The following MYO1D variants were observed in gnomAD, a reference collection of about 807,000 sequenced individuals.
MYO1D encodes myosin ID.
A neutral mutation model predicts 122.0 loss-of-function variants in MYO1D; 83 were observed. The observed-to-expected ratio is 0.68, with a 90% CI of 0.57 to 0.82. The LOEUF is 0.82. Ranked by LOEUF, MYO1D falls within the 40% of genes least tolerant of loss-of-function variation. The pLI, the probability that MYO1D is intolerant of heterozygous loss-of-function variation, is 0.00. For synonymous variants in MYO1D, 464 were observed against 446.9 expected (o/e 1.04, Z -0.48); for missense variants, 1,157 against 1,269.5 (o/e 0.91, Z 1.35).
At chr17:32,687,209 T>TCAGTGGAGACAGGG (rs2089027400) in intron 16 of MYO1D, among the ~76,000 whole-genome samples, 1 of 146,562 alleles carries the variant, frequency 6.8e-6, no homozygotes, top group Non-Finnish European at 1.5e-5. Context: ...TTTTTTTTTT[T>TCAGTGGAGACAGGG]TTTCTGAGAC....
chr17:32,754,617 T>TA (rs34682691), intron 11 of MYO1D, among the ~76,000 whole-genome samples: 1 of 152,188 alleles, frequency 6.6e-6, no homozygotes, highest in African/African-American at 2.4e-5. Flanking sequence ...TTATTCACAC[T>TA]AAAAAATGGC....
chr17:32,815,500 T>C (rs2090606066), intron 1 of MYO1D, among the ~76,000 whole-genome samples: 1 of 152,200 alleles, frequency 6.6e-6, no homozygotes, highest in Non-Finnish European at 1.5e-5. Flanking sequence ...AATTTTCATG[T>C]TAGTTCTTAT....
At chr17:32,769,003 T>C (rs184243682) in intron 6 of MYO1D, among the ~76,000 whole-genome samples, 6 of 152,348 alleles carry the variant, frequency 3.9e-5, no homozygotes, top group Admixed American at 1.3e-4. Flanking sequence ...TAAGTGTGCA[T>C]GTCCTTTGTG....
intron 20 of MYO1D, among the ~76,000 whole-genome samples, chr17:32,636,826 G>A (rs182516610): frequency 2.2e-4 from 33 of 152,316 alleles, no homozygotes; most frequent in Middle Eastern, 3.4e-3. Context: ...GGGCAAAGCA[G>A]GTTTGGCAGC....
chr17:32,546,217 G>A (rs935457194), intron 21 of MYO1D, among the ~76,000 whole-genome samples: 2 of 152,134 alleles, frequency 1.3e-5, no homozygotes, highest in Non-Finnish European at 2.9e-5. Context: ...TAGCCACTTT[G>A]AGGGCTGAAC....
At chr17:32,663,852 TTC>T (rs1383019752) in intron 16 of MYO1D, among the ~76,000 whole-genome samples, 21 of 152,244 alleles carry the variant, frequency 1.4e-4, no homozygotes, top group Admixed American at 5.2e-4. Context: ...TGCTCCATTC[TTC>T]TCTTTGAAGA....
intron 21 of MYO1D, among the ~76,000 whole-genome samples, chr17:32,534,794 C>T (rs533790059): frequency 2.5e-4 from 38 of 151,962 alleles, no homozygotes; most frequent in Non-Finnish European, 5.1e-4. Context: ...CTTTACACCC[C>T]GTAGATGTGA....
intron 16 of MYO1D, among the ~76,000 whole-genome samples, chr17:32,666,190 C>A (rs1340560156): frequency 6.6e-6 from 1 of 152,130 alleles, no homozygotes; most frequent in East Asian, 1.9e-4. Context: ...TCAGGGCCAC[C>A]CCTCATCCCT....
intron 1 of MYO1D, among the ~76,000 whole-genome samples, chr17:32,841,794 G>C (rs1435455768): frequency 6.6e-6 from 1 of 152,104 alleles, no homozygotes; most frequent in Non-Finnish European, 1.5e-5. Flanking sequence ...AAGGAAGAAA[G>C]AATGGATAAA....
Position 32,828,957 on chromosome 17 carries a change from A to G in MYO1D, c.95+47821T>C, listed in dbSNP as rs570752535. On this transcript the variant is annotated intron_variant, in intron 1 of 21. Coordinates refer to ENST00000318217, the MANE Select transcript of MYO1D (RefSeq NM_015194.3). ...CACACTATTAGTAAGTGACAGTCAGAAGGCAGACCTTGGGTCTGACTCCAA... is the reference window on the plus strand; with the variant it reads ...CACACTATTAGTAAGTGACAGTCAGGAGGCAGACCTTGGGTCTGACTCCAA... Among the ~76,000 whole-genome samples, 10 of 152,332 alleles carry G rather than the reference A, an allele frequency of 6.6e-5. No individual in the cohort carries two copies. The South Asian group carries it at 2.1e-3, about 32-fold the overall frequency.
intron 20 of MYO1D, among the ~76,000 whole-genome samples, chr17:32,620,206 A>T (rs1597941155): frequency 6.6e-6 from 1 of 152,028 alleles, no homozygotes; most frequent in East Asian, 1.9e-4. Context: ...TGGGTACCTC[A>T]TTACCCCTAG....
rs577330305 is a variant in MYO1D at position 32,796,644 on chromosome 17, G to A, written c.96-15860C>T. Reference sequence around the variant, plus strand: ...GCCCAAGCTGTTCTCGAACTCCTAAGCTCAAGCAATCTGCTGGCCTCAGCC... The same window carrying A: ...GCCCAAGCTGTTCTCGAACTCCTAAACTCAAGCAATCTGCTGGCCTCAGCC... On this transcript the variant is annotated intron_variant, in intron 1 of 21. Coordinates refer to ENST00000318217, the MANE Select transcript of MYO1D (RefSeq NM_015194.3). 1.3e-4 allele frequency among the ~76,000 whole-genome samples: 20 copies of A among 152,292 alleles called. No homozygotes were observed. The South Asian group carries it at 3.9e-3, about 30-fold the overall frequency.
At chr17:32,720,306 T>G (rs1200168192) in intron 15 of MYO1D, among the ~76,000 whole-genome samples, 1 of 152,176 alleles carries the variant, frequency 6.6e-6, no homozygotes, top group Non-Finnish European at 1.5e-5. Flanking sequence ...ATTGAGTGAT[T>G]ACTTTACGGA....
intron 21 of MYO1D, among the ~76,000 whole-genome samples, chr17:32,502,457 T>C (rs1166548763): frequency 6.6e-6 from 1 of 152,046 alleles, no homozygotes; most frequent in East Asian, 1.9e-4. Context: ...CCTTTTGGGG[T>C]GATGAAAATA....
intron 16 of MYO1D, among the ~76,000 whole-genome samples, chr17:32,664,534 A>G (rs1249203220): frequency 6.6e-6 from 1 of 152,242 alleles, no homozygotes. Flanking sequence ...CAATATTAAC[A>G]CAAAAGTAGA....
intron 21 of MYO1D, among the ~76,000 whole-genome samples, chr17:32,548,372 G>A (rs74791839): frequency 2.8e-4 from 42 of 151,650 alleles, no homozygotes; most frequent in African/African-American, 9.9e-4. Context: ...AGGTTGCAAT[G>A]AGCCAAGATC....
intron 17 of MYO1D, among the ~76,000 whole-genome samples, chr17:32,657,955 T>C (rs1016496830): frequency 6.6e-6 from 1 of 152,204 alleles, no homozygotes; most frequent in African/African-American, 2.4e-5. Flanking sequence ...TAAAGTCATA[T>C]AGCCATACAT....
intron 6 of MYO1D, 61 bp downstream of exon 6, chr17:32,771,061 GAAT>G: frequency 1.6e-6 from 2 of 1,245,428 alleles, no homozygotes; most frequent in Admixed American, 3.6e-5. Flanking sequence ...GATAATTATT[GAAT>G]GTCTCTTCTA....
chr17:32,842,858 C>G (rs1240067311), intron 1 of MYO1D, among the ~76,000 whole-genome samples: 4 of 150,316 alleles, frequency 2.7e-5, no homozygotes, highest in Non-Finnish European at 4.4e-5. Context: ...CACAGTTATA[C>G]TGTCATTTGT....
Sources: gnomAD v4.1 joint callset for allele counts (sites outside exome capture counted in the v4.1 genomes callset) on GRCh38, gnomAD v4.1.1 for gene constraint, MANE v1.5 for transcripts, NCBI Gene and HGNC (gene_info 2026-07-23, HGNC 2026-07-21) for gene names.